The following FMNL2 variants were observed in gnomAD, a reference collection of about 807,000 sequenced individuals.
FMNL2 encodes formin like 2.
Under a neutral mutation model 130.2 loss-of-function variants are expected in FMNL2, and 51 were observed. The ratio of observed to expected loss-of-function variants is 0.39; its 90% CI spans 0.31 to 0.49. The LOEUF (loss-of-function observed/expected upper bound fraction) is 0.49, where lower values mean the gene tolerates loss of function less well. FMNL2 is among the 20% of genes least tolerant of loss of function. The pLI, the probability that FMNL2 is intolerant of heterozygous loss-of-function variation, is 0.85. For synonymous variants in FMNL2, 465 were observed against 467.1 expected, an observed-to-expected ratio of 1.00 and a Z score of 0.06; for missense variants, 977 against 1,316.2, an observed-to-expected ratio of 0.74 and a Z score of 3.99.
At chr2:152,572,518 T>A (rs1696229586) in intron 6 of FMNL2, among the ~76,000 whole-genome samples, 1 of 152,140 alleles carries the variant, frequency 6.6e-6, no homozygotes, top group South Asian at 2.1e-4. Flanking sequence ...TATTAGATAG[T>A]GTGAGCTTCT....
At chr2:152,620,802 G>C (rs1200120512) in intron 15 of FMNL2, among the ~76,000 whole-genome samples, 2 of 152,052 alleles carry the variant, frequency 1.3e-5, no homozygotes, top group Non-Finnish European at 2.9e-5. Context: ...GAGTCACCTA[G>C]AATAAATTCA....
At chr2:152,614,136 A>AG (rs1698824158) in intron 11 of FMNL2, among the ~76,000 whole-genome samples, 1 of 152,224 alleles carries the variant, frequency 6.6e-6, no homozygotes, top group African/African-American at 2.4e-5. Context: ...GTAACTAACC[A>AG]GGTAAGATAC....
intron 14 of FMNL2, 42 bp from the exon 15 acceptor site, chr2:152,619,467 C>T (rs1391540518): frequency 3.2e-6 from 5 of 1,549,222 alleles, no homozygotes; most frequent in East Asian, 2.4e-5. Context: ...GAAAGCCATT[C>T]CCGTATTTTC....
chr2:152,500,589 C>A (rs918232479), intron 1 of FMNL2, among the ~76,000 whole-genome samples: 34 of 152,196 alleles, frequency 2.2e-4, no homozygotes, highest in African/African-American at 7.5e-4. Context: ...ATGGCTCACG[C>A]CTGTAATCCT....
chr2:152,481,796 CT>C (rs1690543177), intron 1 of FMNL2, among the ~76,000 whole-genome samples: 1 of 152,182 alleles, frequency 6.6e-6, no homozygotes, highest in Non-Finnish European at 1.5e-5. Context: ...CGTTATTTAT[CT>C]CCTATTTTCA....
chr2:152,497,828 G>C (rs1269545915), intron 1 of FMNL2, among the ~76,000 whole-genome samples: 1 of 152,190 alleles, frequency 6.6e-6, no homozygotes, highest in Non-Finnish European at 1.5e-5. Flanking sequence ...TCACCAGGCT[G>C]AAATTCAGGT....
rs1270333384 is a variant in FMNL2 at position 152,625,469 on chromosome 2, G to C, written c.1869G>C (p.Lys623Asn). Residue 623 changes from lysine to asparagine, a missense_variant, in exon 16 of 26, where the codon AAG becomes AAC. By Grantham distance (94) the Lys-to-Asn change is moderately conservative (BLOSUM62 0). Around this residue, in one of 4 missense-constraint regions of FMNL2, gnomAD observed 689 missense variants for 995.9 expected, o/e 0.69. Coordinates refer to ENST00000288670, the MANE Select transcript of FMNL2 (RefSeq NM_052905.4). ...AVKIKKPIKT[K>N]FRMPVFNWVA... is the part of the protein sequence containing the mutation. ...AAATTAAGAAGCCAATCAAGACGAA[G>C]TTCAGAATGCCAGTGTTTAACTGGG... 2 of 1,610,956 alleles carry C rather than the reference G, an allele frequency of 1.2e-6. No individual in the cohort carries two copies. The highest frequency in any genetic ancestry group is 8.5e-7 in the Non-Finnish European group (1 of 1,177,378).
chr2:152,364,245 G>A (rs1393403882), intron 1 of FMNL2, among the ~76,000 whole-genome samples: 3 of 129,234 alleles, frequency 2.3e-5, no homozygotes, highest in African/African-American at 6.2e-5. Flanking sequence ...TTTCACATCC[G>A]TTAGGAGGTT....
chr2:152,349,403 G>A (rs1380902252), intron 1 of FMNL2, among the ~76,000 whole-genome samples: 1 of 152,288 alleles, frequency 6.6e-6, no homozygotes, highest in Middle Eastern at 3.4e-3. Context: ...GGGTGTTAAC[G>A]TGGCCACTAC....
chr2:152,611,615 G>C lies in FMNL2; in HGVS notation c.1062+10G>C. The C allele has an allele frequency of 6.5e-7, 1 of 1,531,840 alleles. No individual in the cohort carries two copies. The highest frequency in any genetic ancestry group is 9.0e-7 in the Non-Finnish European group (1 of 1,113,854). 94.9% of individuals were successfully genotyped at this position (1,531,840 alleles called of 1,614,324 possible). A position where few individuals can be genotyped will look rare whatever the true frequency, so the allele number is the denominator to read the frequency against. On this transcript the variant is annotated intron_variant, in intron 11 of 25. Transcript: ENST00000288670. ...GGACGAATACTTGGACGTGAGTATAGCTGTGACCTTTGGCTCCAATATAAG... is the reference window on the plus strand; with the variant it reads ...GGACGAATACTTGGACGTGAGTATACCTGTGACCTTTGGCTCCAATATAAG...
chr2:152,624,897 T>C (rs533765680), intron 15 of FMNL2, among the ~76,000 whole-genome samples: 25 of 152,268 alleles, frequency 1.6e-4, no homozygotes, highest in Middle Eastern at 3.4e-3. Context: ...CAGCAGCCAA[T>C]ATATCTTCAT....
intron 1 of FMNL2, among the ~76,000 whole-genome samples, chr2:152,419,074 G>A (rs914146184): frequency 1.3e-5 from 2 of 150,380 alleles, no homozygotes; most frequent in Non-Finnish European, 3.0e-5. Context: ...TTAAAACTAT[G>A]TTTAAACAGA....
intron 9 of FMNL2, among the ~76,000 whole-genome samples, chr2:152,591,300 C>T (rs1030328884): frequency 7.2e-5 from 11 of 152,086 alleles, no homozygotes; most frequent in African/African-American, 9.7e-5. Context: ...TGAGCCACTG[C>T]GCCCGGCCTC....
At chr2:152,636,058 G>A (rs1021839429) in intron 21 of FMNL2, among the ~76,000 whole-genome samples, 3 of 152,138 alleles carry the variant, frequency 2.0e-5, no homozygotes, top group Non-Finnish European at 4.4e-5. Flanking sequence ...CCCACCCATA[G>A]GCTATTCTTG....
intron 4 of FMNL2, among the ~76,000 whole-genome samples, chr2:152,555,307 G>A (rs1378247372): frequency 6.6e-6 from 1 of 152,092 alleles, no homozygotes; most frequent in East Asian, 1.9e-4. Context: ...GATGACCAGT[G>A]TTGAATCCAC....
At chr2:152,588,833 C>T (rs1644783291) in intron 9 of FMNL2, among the ~76,000 whole-genome samples, 1 of 152,066 alleles carries the variant, frequency 6.6e-6, no homozygotes, top group Non-Finnish European at 1.5e-5. Flanking sequence ...ATATGCTCCC[C>T]AGTCACATTG....
intron 7 of FMNL2, among the ~76,000 whole-genome samples, chr2:152,575,450 CAA>C (rs5835437): frequency 0.53 from 79,018 of 150,508 alleles, 21,334 homozygotes; most frequent in Non-Finnish European, 0.6. Context: ...ACCAACCAAA[CAA>C]AAAAAAAAAC....
chr2:152,401,352 C>A (rs13029407), intron 1 of FMNL2, among the ~76,000 whole-genome samples: 1 of 152,096 alleles, frequency 6.6e-6, no homozygotes, highest in South Asian at 2.1e-4. Flanking sequence ...GGACATCTCA[C>A]CCCTCCAAAT....
At chr2:152,374,198 C>T (rs1275869128) in intron 1 of FMNL2, among the ~76,000 whole-genome samples, 1 of 152,134 alleles carries the variant, frequency 6.6e-6, no homozygotes, top group Non-Finnish European at 1.5e-5. Context: ...AAAAGAGAGG[C>T]TGCAAAGGGG....
Sources: allele counts gnomAD v4.1 joint callset (sites outside exome capture counted in the v4.1 genomes callset), GRCh38; gene constraint gnomAD v4.1.1; regional missense constraint gnomAD v4.1.1; transcripts MANE v1.5; gene names NCBI Gene and HGNC (gene_info 2026-07-23, HGNC 2026-07-21).